The following CAMTA1 variants were observed in gnomAD, a reference collection of about 807,000 sequenced individuals.
CAMTA1 encodes calmodulin-binding transcription activator 1.
CAMTA1 carries 27 observed loss-of-function variants against 170.9 expected under a neutral mutation model. The ratio of observed to expected loss-of-function variants is 0.16; its 90% CI spans 0.12 to 0.22. The LOEUF (loss-of-function observed/expected upper bound fraction) is 0.22. Among genes scored for constraint, CAMTA1 ranks in the 10% least tolerant of loss-of-function variants. CAMTA1 has a pLI of 1.00. For missense variants in CAMTA1, 1,619 were observed against 2,217.2 expected (o/e 0.73, Z 5.42); for synonymous variants, 833 against 891.5 (o/e 0.93, Z 1.17).
At chr1:7,471,098 G>A (rs760743312) in intron 6 of CAMTA1, among the ~76,000 whole-genome samples, 8 of 152,202 alleles carry the variant, frequency 5.3e-5, no homozygotes, top group Non-Finnish European at 7.3e-5. Context: ...TACAGAGAAG[G>A]GCCTGAGTTG....
chr1:7,028,007 C>G (rs1702246111), intron 3 of CAMTA1, among the ~76,000 whole-genome samples: 1 of 151,756 alleles, frequency 6.6e-6, no homozygotes, highest in South Asian at 2.1e-4. Context: ...CAGGTTCAAG[C>G]AATTCTGCTG....
intron 4 of CAMTA1, among the ~76,000 whole-genome samples, chr1:7,228,153 A>G (rs1662049103): frequency 6.6e-6 from 1 of 152,260 alleles, no homozygotes; most frequent in Non-Finnish European, 1.5e-5. Flanking sequence ...TGGCTGTTAG[A>G]CCACAGGGCT....
intron 5 of CAMTA1, among the ~76,000 whole-genome samples, chr1:7,329,957 C>T (rs2082919821): frequency 6.6e-6 from 1 of 152,176 alleles, no homozygotes; most frequent in Non-Finnish European, 1.5e-5. Flanking sequence ...CCTCCAGGCC[C>T]ATGCTCATGG....
intron 5 of CAMTA1, among the ~76,000 whole-genome samples, chr1:7,417,677 C>T (rs1266470699): frequency 6.6e-6 from 1 of 152,192 alleles, no homozygotes; most frequent in Admixed American, 6.5e-5. Context: ...CCGTCTGTCA[C>T]CCCTTTCTTT....
At chr1:7,723,862 C>T (rs1006987805) in intron 11 of CAMTA1, among the ~76,000 whole-genome samples, 1 of 152,236 alleles carries the variant, frequency 6.6e-6, no homozygotes, top group Middle Eastern at 3.2e-3. Context: ...CCCAGACTGG[C>T]AGGCTGGAGT....
intron 22 of CAMTA1, among the ~76,000 whole-genome samples, chr1:7,762,938 T>C (rs903688340): frequency 3.9e-5 from 6 of 152,230 alleles, no homozygotes; most frequent in Non-Finnish European, 5.9e-5. Flanking sequence ...AATGCATGTT[T>C]CTTATAAAGT....
chr1:7,649,286 G>A (rs756925737), intron 7 of CAMTA1, among the ~76,000 whole-genome samples: 1 of 152,236 alleles, frequency 6.6e-6, no homozygotes, highest in Non-Finnish European at 1.5e-5. Context: ...ACAGCAGCTC[G>A]GTCCCTGAGA....
At chr1:7,326,826 A>G (rs1402833124) in intron 5 of CAMTA1, among the ~76,000 whole-genome samples, 1 of 152,168 alleles carries the variant, frequency 6.6e-6, no homozygotes, top group East Asian at 1.9e-4. Flanking sequence ...TAATACAATG[A>G]GGGAGTGAGT....
chr1:7,619,006 A>G (rs1488928006), intron 6 of CAMTA1, among the ~76,000 whole-genome samples: 1 of 152,230 alleles, frequency 6.6e-6, no homozygotes, highest in African/African-American at 2.4e-5. Context: ...CATCTCAAAC[A>G]GAAATTTTAA....
intron 6 of CAMTA1, among the ~76,000 whole-genome samples, chr1:7,639,228 C>T (rs1280127632): frequency 6.6e-6 from 1 of 152,200 alleles, no homozygotes; most frequent in East Asian, 1.9e-4. Flanking sequence ...ATCCGCCTGC[C>T]TCAGCCTCCC....
chr1:6,995,318 T>G (rs1399657763), intron 3 of CAMTA1, among the ~76,000 whole-genome samples: 43 of 137,616 alleles, frequency 3.1e-4, no homozygotes, highest in African/African-American at 1.2e-3. Context: ...TTTTTTTTTT[T>G]TGAGATGGAG....
chr1:7,721,195 C>G (rs1396331415), intron 11 of CAMTA1, among the ~76,000 whole-genome samples: 1 of 152,206 alleles, frequency 6.6e-6, no homozygotes, highest in Non-Finnish European at 1.5e-5. Flanking sequence ...TGGCTCAGTA[C>G]TGTTAGGACC....
At position 7,685,646 on chromosome 1, in the gene CAMTA1, A is replaced by G. The variant is rs1428148020; in HGVS notation, c.2914+7913A>G. Among the ~76,000 whole-genome samples the G allele has an allele frequency of 6.6e-6, 1 of 151,096 alleles. No individual in the cohort carries two copies. Among genetic ancestry groups the G allele is most frequent in the Non-Finnish European group, 1.5e-5 (1 of 67,802 alleles). On this transcript the variant is annotated intron_variant, in intron 11 of 22. Coordinates refer to ENST00000303635, the MANE Select transcript of CAMTA1 (RefSeq NM_015215.4). This position sits in a 1 kb window ranked among gnomAD's most constrained non-coding sequence, Gnocchi z 5.7. ...CCCCATGGCCGGCTCTCTCCTGACT[A>G]CTCTCTTCTCCCTGCCCACGCTCCC...
chr1:7,579,949 G>T (rs557348291), intron 6 of CAMTA1, among the ~76,000 whole-genome samples: 1 of 152,238 alleles, frequency 6.6e-6, no homozygotes, highest in Non-Finnish European at 1.5e-5. Context: ...GATCTGGGTC[G>T]TGGCACCCAA....
chr1:7,257,322 G>T (rs1473207596), intron 5 of CAMTA1, among the ~76,000 whole-genome samples: 2 of 152,312 alleles, frequency 1.3e-5, no homozygotes, highest in African/African-American at 2.4e-5. Context: ...TCCACGGTCT[G>T]CAAGACAAAG....
At chr1:7,017,546 T>A (rs1446136874) in intron 3 of CAMTA1, among the ~76,000 whole-genome samples, 1 of 152,170 alleles carries the variant, frequency 6.6e-6, no homozygotes, top group Middle Eastern at 3.2e-3. Flanking sequence ...GCTTTAAGTG[T>A]TTGTAGGAAA....
intron 6 of CAMTA1, among the ~76,000 whole-genome samples, chr1:7,563,327 G>T (rs1050440931): frequency 2.6e-4 from 40 of 152,204 alleles, no homozygotes; most frequent in Admixed American, 1.6e-3. Flanking sequence ...AGGGATGGGG[G>T]TGGGTCTGTG....
chr1:6,820,873 T>G (rs1646411215), intron 2 of CAMTA1, among the ~76,000 whole-genome samples: 1 of 152,224 alleles, frequency 6.6e-6, no homozygotes, highest in Admixed American at 6.5e-5. Flanking sequence ...GAGGAGAGAA[T>G]GTCCCAAAAC....
chr1:7,640,660 C>G, intron 7 of CAMTA1, 107 bp downstream of exon 7: 7 of 1,304,012 alleles, frequency 5.4e-6, no homozygotes, highest in Non-Finnish European at 7.6e-6. Context: ...GGGTCCGGAG[C>G]CCCATCTTGC....
Sources: gnomAD v4.1 joint callset for allele counts (sites outside exome capture counted in the v4.1 genomes callset) on GRCh38, gnomAD v4.1.1 for gene constraint, Gnocchi (gnomAD v3.1) non-coding constraint, MANE v1.5 for transcripts, NCBI Gene and HGNC (gene_info 2026-07-23, HGNC 2026-07-21) for gene names.